TMC1: variants seen among roughly 807,000 people sequenced by gnomAD.
The protein encoded by TMC1 is transmembrane channel-like protein 1.
In TMC1, 84 loss-of-function variants were observed where a neutral mutation model predicts 105.8. The ratio of observed to expected loss-of-function variants is 0.79; its 90% CI spans 0.67 to 0.95. The LOEUF is 0.95. Among genes scored for constraint, TMC1 ranks in the 40% least tolerant of loss-of-function variants. TMC1 has a pLI of 0.00. For missense variants in TMC1, 817 were observed against 914.1 expected, an observed-to-expected ratio of 0.89 and a Z score of 1.37; for synonymous variants, 315 against 311.5, an observed-to-expected ratio of 1.01 and a Z score of -0.12.
rs1824108159 is a variant in TMC1 at position 72,564,211 on chromosome 9, A to T, written c.-427-13691A>T. Among the ~76,000 whole-genome samples the T allele has an allele frequency of 2.0e-5, 3 of 152,230 alleles. No homozygotes were observed. The South Asian group carries it at 6.2e-4, about 32-fold the overall frequency. On this transcript the variant is annotated intron_variant, in intron 1 of 23. Coordinates refer to ENST00000297784, the MANE Select transcript of TMC1 (RefSeq NM_138691.3). ...AAACTTCCCCTATATTTTTCTAATT[A>T]TGGTAACCTAGGGAAAACATCAAAT...
chr9:72,624,187 C>G (rs1335873520), intron 3 of TMC1, among the ~76,000 whole-genome samples: 2 of 152,048 alleles, frequency 1.3e-5, no homozygotes, highest in African/African-American at 4.8e-5. Context: ...AGTGGGAGCT[C>G]AAATATGACC....
intron 5 of TMC1, among the ~76,000 whole-genome samples, chr9:72,669,321 T>G (rs1015758473): frequency 6.6e-6 from 1 of 151,874 alleles, no homozygotes; most frequent in African/African-American, 2.4e-5. Flanking sequence ...GAAAAAAAAA[T>G]GTACTATAAT....
chr9:72,653,122 G>C (rs190594773), intron 5 of TMC1, among the ~76,000 whole-genome samples: 23 of 152,222 alleles, frequency 1.5e-4, no homozygotes, highest in African/African-American at 5.5e-4. Flanking sequence ...TCATTCATCT[G>C]ATCACAGTTC....
intron 12 of TMC1, among the ~76,000 whole-genome samples, chr9:72,770,399 A>T (rs1377092490): frequency 7.0e-6 from 1 of 142,744 alleles, no homozygotes; most frequent in Non-Finnish European, 1.5e-5. Context: ...ATATATATAT[A>T]TGCATATAAA....
intron 5 of TMC1, among the ~76,000 whole-genome samples, chr9:72,650,743 A>G (rs2132151845): frequency 6.6e-6 from 1 of 151,430 alleles, no homozygotes; most frequent in Admixed American, 6.6e-5. Context: ...TATAAATGAG[A>G]ACGTGGTATT....
At chr9:72,613,065 T>G (rs902014110) in intron 2 of TMC1, among the ~76,000 whole-genome samples, 6 of 152,148 alleles carry the variant, frequency 3.9e-5, no homozygotes, top group African/African-American at 1.4e-4. Context: ...TTCTAGTTCT[T>G]ATTTTTTAAT....
chr9:72,589,024 C>T (rs552939530), intron 2 of TMC1, among the ~76,000 whole-genome samples: 39 of 152,322 alleles, frequency 2.6e-4, no homozygotes, highest in African/African-American at 9.1e-4. Context: ...CCTGCCTTGG[C>T]TTCCCAAAGT....
chr9:72,599,864 T>C (rs1169754255), intron 2 of TMC1, among the ~76,000 whole-genome samples: 2 of 152,014 alleles, frequency 1.3e-5, no homozygotes, highest in Non-Finnish European at 2.9e-5. Flanking sequence ...CACTTTTTGC[T>C]GTCAGTAAAA....
chr9:72,536,507 T>C (rs187696901), intron 1 of TMC1, among the ~76,000 whole-genome samples: 129 of 152,268 alleles, frequency 8.5e-4, no homozygotes, highest in Middle Eastern at 3.4e-3. Context: ...TAATTTTTTG[T>C]ATTTTTAGTA....
chr9:72,680,178 A>G (rs1395050491), intron 5 of TMC1, among the ~76,000 whole-genome samples: 3 of 152,116 alleles, frequency 2.0e-5, no homozygotes, highest in Admixed American at 1.3e-4. Context: ...CCATTCTAAC[A>G]TTGTCAATCC....
intron 17 of TMC1, among the ~76,000 whole-genome samples, chr9:72,797,208 A>T (rs12340139): frequency 0.016 from 2,417 of 152,258 alleles, 59 homozygotes; most frequent in African/African-American, 0.055. Flanking sequence ...CTGCTCAAGG[A>T]AATCAGAGAG....
At chr9:72,585,642 C>T (rs1377723722) in intron 2 of TMC1, among the ~76,000 whole-genome samples, 3 of 152,106 alleles carry the variant, frequency 2.0e-5, no homozygotes, top group Non-Finnish European at 4.4e-5. Flanking sequence ...TTGGAGTTGA[C>T]CAAAATAAGA....
chr9:72,625,720 A>C (rs1825336528), intron 3 of TMC1, among the ~76,000 whole-genome samples: 1 of 151,162 alleles, frequency 6.6e-6, no homozygotes, highest in African/African-American at 2.4e-5. Flanking sequence ...AAAAGGAATC[A>C]GGGGTTTGGT....
chr9:72,646,898 C>T (rs7023171), intron 4 of TMC1, among the ~76,000 whole-genome samples: 75,279 of 151,778 alleles, frequency 0.5, 18,976 homozygotes, highest in African/African-American at 0.59. Context: ...TAATCCCACT[C>T]TGGGAGGCTG....
At chr9:72,763,416 G>T (rs182740249) in intron 12 of TMC1, among the ~76,000 whole-genome samples, 88 of 152,252 alleles carry the variant, frequency 5.8e-4, no homozygotes, top group Non-Finnish European at 1.1e-3. Flanking sequence ...AAATCCAACT[G>T]TAATTGTGCC....
At chr9:72,795,265 CT>C (rs1381615138) in intron 17 of TMC1, among the ~76,000 whole-genome samples, 1 of 152,172 alleles carries the variant, frequency 6.6e-6, no homozygotes, top group Non-Finnish European at 1.5e-5. Flanking sequence ...TGCTGCCAGT[CT>C]TTGCTAACAG....
chr9:72,817,154 C>T (rs1411637621), intron 19 of TMC1: 1 of 152,146 alleles, frequency 6.6e-6, no homozygotes, highest in Non-Finnish European at 1.5e-5. Context: ...CTAAAACCGT[C>T]TTGCTTCTGT....
chr9:72,743,261 G>A (rs1191794810), intron 10 of TMC1, among the ~76,000 whole-genome samples: 1 of 150,384 alleles, frequency 6.6e-6, no homozygotes, highest in African/African-American at 2.4e-5. Context: ...CAGCTACTTG[G>A]GAGGCTGAGG....
At position 72,602,811 on chromosome 9, in the gene TMC1, G is replaced by A. The variant is rs892937067; in HGVS notation, c.-305-13557G>A. ...AATGCTGTTCTTTGAAAAAACATTT[G>A]TATTTTTAGATAGAAATGTACTTCA... is the stretch of plus-strand genomic sequence containing the variant. On this transcript the variant is annotated intron_variant, in intron 2 of 23. Transcript: ENST00000297784. Among the ~76,000 whole-genome samples the A allele has an allele frequency of 3.9e-5, 6 of 152,200 alleles. 1 individual carries two copies. The East Asian group carries it at 7.7e-4, about 20-fold the overall frequency.
Sources: allele counts gnomAD v4.1 joint callset (sites outside exome capture counted in the v4.1 genomes callset), GRCh38; gene constraint gnomAD v4.1.1; transcripts MANE v1.5; gene names NCBI Gene and HGNC (gene_info 2026-07-23, HGNC 2026-07-21).